The following FBXL13 variants were observed in gnomAD, a reference collection of about 807,000 sequenced individuals.
The protein encoded by FBXL13 is F-box and leucine rich repeat protein 13, also known as F-box and leucine-rich repeat protein 13.
Under a neutral mutation model 83.6 loss-of-function variants are expected in FBXL13, and 67 were observed. That is an observed-to-expected ratio of 0.80 (90% CI 0.66 to 0.98). The LOEUF is 0.98. FBXL13 is among the 50% of genes least tolerant of loss of function. The pLI, the probability that FBXL13 is intolerant of heterozygous loss-of-function variation, is 0.00. For synonymous variants in FBXL13, 272 were observed against 299.5 expected (o/e 0.91, Z 0.95); for missense variants, 822 against 866.5 (o/e 0.95, Z 0.64).
chr7:102,922,647 T>G (rs2129471115), intron 10 of FBXL13, among the ~76,000 whole-genome samples: 1 of 152,308 alleles, frequency 6.6e-6, no homozygotes, highest in South Asian at 2.1e-4. Flanking sequence ...ATGAAACTCT[T>G]ATAAATGTAG....
intron 3 of FBXL13, among the ~76,000 whole-genome samples, chr7:103,029,065 T>C (rs1650439382): frequency 6.6e-6 from 1 of 152,110 alleles, no homozygotes. Context: ...TTCCACAACA[T>C]ATTTGGCTCC....
At chr7:103,027,610 C>A (rs1794081577) in intron 4 of FBXL13, 52 bp from the exon 6 acceptor site, 1 of 1,137,942 alleles carries the variant, frequency 8.8e-7, no homozygotes, top group Non-Finnish European at 1.3e-6. Context: ...TAGCTGTTTC[C>A]AAAAAACACA....
intron 6 of FBXL13, among the ~76,000 whole-genome samples, chr7:102,995,301 GA>G (rs1229359472): frequency 6.6e-6 from 1 of 151,508 alleles, no homozygotes; most frequent in Non-Finnish European, 1.5e-5. Context: ...CTAACATGGT[GA>G]AACCCCATCT....
intron 15 of FBXL13, among the ~76,000 whole-genome samples, chr7:102,878,085 C>A (rs766696669): frequency 6.6e-6 from 1 of 152,058 alleles, no homozygotes; most frequent in African/African-American, 2.4e-5. Context: ...CCACCCATAT[C>A]TAGATATTCA....
chr7:102,970,790 G>C (rs1826553816), intron 6 of FBXL13, among the ~76,000 whole-genome samples: 2 of 152,150 alleles, frequency 1.3e-5, no homozygotes, highest in Admixed American at 1.3e-4. Context: ...TAAAAATATA[G>C]TTATTGAAAT....
intron 6 of FBXL13, among the ~76,000 whole-genome samples, chr7:102,995,297 T>C (rs890219937): frequency 5.3e-5 from 8 of 150,610 alleles, no homozygotes; most frequent in Admixed American, 6.6e-5. Context: ...ATGGCTAACA[T>C]GGTGAAACCC....
intron 15 of FBXL13, 80 bp from the exon 17 acceptor site, chr7:102,877,673 G>A: frequency 1.4e-6 from 2 of 1,446,130 alleles, no homozygotes; most frequent in Non-Finnish European, 1.9e-6. Context: ...AAACTATCTT[G>A]GGAAAACAAA....
chr7:102,943,477 A>T (rs1563128812), intron 8 of FBXL13, among the ~76,000 whole-genome samples: 1 of 152,224 alleles, frequency 6.6e-6, no homozygotes, highest in Non-Finnish European at 1.5e-5. Context: ...ACAGTGAAGA[A>T]ATATAATTAA....
At chr7:103,027,941 C>G (rs1794120914) in intron 4 of FBXL13, among the ~76,000 whole-genome samples, 1 of 152,110 alleles carries the variant, frequency 6.6e-6, no homozygotes, top group Non-Finnish European at 1.5e-5. Flanking sequence ...CTGTGATTAA[C>G]CAGTTCCTAA....
At chr7:102,999,930 T>C (rs1379087368) in intron 6 of FBXL13, among the ~76,000 whole-genome samples, 3 of 152,154 alleles carry the variant, frequency 2.0e-5, no homozygotes, top group Non-Finnish European at 4.4e-5. Context: ...CTTTTACTAA[T>C]TTGGGGTTTG....
intron 9 of FBXL13, among the ~76,000 whole-genome samples, chr7:102,926,603 C>T (rs942733271): frequency 2.0e-5 from 3 of 152,192 alleles, no homozygotes; most frequent in Non-Finnish European, 2.9e-5. Context: ...AATCAAGTCT[C>T]ATTCCATCAC....
At chr7:103,058,820 T>C (rs564432047) in intron 1 of FBXL13, among the ~76,000 whole-genome samples, 2 of 152,328 alleles carry the variant, frequency 1.3e-5, no homozygotes, top group Admixed American at 1.3e-4. Flanking sequence ...AAATTGATTA[T>C]ATATATATTT....
chr7:103,051,350 C>G (rs958235692), intron 2 of FBXL13, among the ~76,000 whole-genome samples: 2 of 152,188 alleles, frequency 1.3e-5, no homozygotes, highest in African/African-American at 4.8e-5. Flanking sequence ...CAGATCAAAT[C>G]CATTCCTGGA....
intron 8 of FBXL13, among the ~76,000 whole-genome samples, chr7:102,943,233 C>T (rs564123691): frequency 2.6e-5 from 4 of 151,940 alleles, no homozygotes; most frequent in Non-Finnish European, 5.9e-5. Flanking sequence ...GTCAGATCAC[C>T]ACCCGGCACA....
intron 9 of FBXL13, among the ~76,000 whole-genome samples, chr7:102,931,050 A>C (rs1366907352): frequency 6.6e-6 from 1 of 152,212 alleles, no homozygotes; most frequent in Non-Finnish European, 1.5e-5. Context: ...GAGGAGCAGC[A>C]GTGAACCCAG....
Position 102,947,540 on chromosome 7 carries a change from G to T in FBXL13, c.725-15607C>A, listed in dbSNP as rs149705558. Among the ~76,000 whole-genome samples the T allele has an allele frequency of 3.0e-3, 452 of 152,272 alleles. 2 individuals carry two copies. The highest frequency in any genetic ancestry group is 0.011 in the African/African-American group (445 of 41,556). ...AGATTTGCCCCTTTTCTACATCAGA[G>T]TTAAACTTTTTCAGGGAAGTGTAGT... On this transcript the variant is annotated intron_variant, in intron 8 of 19. Coordinates refer to ENST00000313221, the Ensembl canonical transcript of FBXL13.
chr7:102,956,287 C>G (rs1053086812), intron 8 of FBXL13, among the ~76,000 whole-genome samples: 1 of 152,048 alleles, frequency 6.6e-6, no homozygotes, highest in Non-Finnish European at 1.5e-5. Flanking sequence ...AAAAACCACA[C>G]AATTATCTCA....
At chr7:102,860,143 C>T (rs191134455) in intron 16 of FBXL13, among the ~76,000 whole-genome samples, 2 of 152,270 alleles carry the variant, frequency 1.3e-5, no homozygotes, top group East Asian at 3.9e-4. Context: ...ATCTGGACTT[C>T]ATCCTATGCA....
intron 8 of FBXL13, among the ~76,000 whole-genome samples, chr7:102,937,104 C>T (rs936480444): frequency 2.0e-5 from 3 of 152,126 alleles, no homozygotes; most frequent in African/African-American, 4.8e-5. Context: ...GGTTTCATGA[C>T]ATACACACTT....
Sources: gnomAD v4.1 joint callset for allele counts (sites outside exome capture counted in the v4.1 genomes callset) on GRCh38, gnomAD v4.1.1 for gene constraint, MANE v1.5 for transcripts, NCBI Gene and HGNC (gene_info 2026-07-23, HGNC 2026-07-21) for gene names.